Variants in CHERP observed in about 807,000 individuals in gnomAD.
CHERP encodes calcium homeostasis endoplasmic reticulum protein, also known as ERPROT 213-21.
A neutral mutation model predicts 113.8 loss-of-function variants in CHERP; 8 were observed. That is an observed-to-expected ratio of 0.07 (90% CI 0.04 to 0.13). The LOEUF is 0.13. Among genes scored for constraint, CHERP ranks in the 10% least tolerant of loss-of-function variants. CHERP has a pLI of 1.00. For synonymous variants in CHERP, 559 were observed against 524.5 expected (o/e 1.07, Z -0.90); for missense variants, 884 against 1,298.2 (o/e 0.68, Z 4.90).
Position 16,525,244 on chromosome 19 carries a change from G to T in CHERP, c.1739C>A (p.Ala580Asp). The change falls in exon 10 of 17, where the codon GCC becomes GAC. Residue 580 changes from alanine to aspartate, a missense_variant and splice_region_variant. Around this residue, in one of 8 missense-constraint regions of CHERP, gnomAD observed 464 missense variants for 590.1 expected, o/e 0.79. Transcript: ENST00000546361. This position sits in a 1 kb window ranked among gnomAD's most constrained non-coding sequence, Gnocchi z 6.5. ...TACCCAGGCGCCCGTACACTCACCG[G>T]CAGGGAAGTCCCCCTGGGGGTAGTC... ...RFDYPQGDFP[A>D]EMGPPHHHPG... The T allele has an allele frequency of 7.0e-7, 1 of 1,428,004 alleles. No homozygotes were observed. 88.5% of individuals were successfully genotyped at this position (1,428,004 alleles called of 1,614,324 possible). A position where few individuals can be genotyped will look rare whatever the true frequency, so the allele number is the denominator to read the frequency against.
intron 7 of CHERP, 60 bp from the exon 8 acceptor site, chr19:16,529,960 C>T (rs1454312925): frequency 1.3e-6 from 2 of 1,555,688 alleles, no homozygotes; most frequent in Non-Finnish European, 1.7e-6. Flanking sequence ...CTGCCTGGCG[C>T]CAGAGGACAA....
Position 16,533,059 on chromosome 19 carries a change from G to A in CHERP, c.474C>T (p.Asp158=), listed in dbSNP as rs1298721261. ...TGTCGATGATGGGCTGCAGGAGGTT[G>A]TCAAACTCGTTCATGTCTAGCTGGG... The part of the protein sequence containing the change: ...EETQLDMNEF[D]NLLQPIIDTC... The change falls in exon 4 of 17, where the codon GAC becomes GAT. Residue 158 remains aspartate, a synonymous_variant. Transcript: ENST00000546361. 3 of 1,574,240 alleles carry A rather than the reference G, an allele frequency of 1.9e-6. No homozygotes were observed. The highest frequency in any genetic ancestry group is 2.6e-6 in the Non-Finnish European group (3 of 1,159,280).
chr19:16,527,347 G>A (rs552143796), intron 9 of CHERP, among the ~76,000 whole-genome samples: 5 of 152,200 alleles, frequency 3.3e-5, no homozygotes, highest in Non-Finnish European at 5.9e-5. Context: ...GTTCAATTTC[G>A]TGTCCTGAAG....
intron 8 of CHERP, 43 bp downstream of exon 8, chr19:16,529,605 G>A: frequency 6.5e-7 from 1 of 1,526,842 alleles, no homozygotes; most frequent in Non-Finnish European, 8.8e-7. Context: ...CAGCCTCTGG[G>A]GGCTGTTTCC....
At position 16,519,174 on chromosome 19, in the gene CHERP, C is replaced by T. The variant is rs754297067; in HGVS notation, c.2736G>A (p.Arg912=). The T allele has an allele frequency of 1.2e-6, 2 of 1,613,566 alleles. No individual in the cohort carries two copies. Among genetic ancestry groups the T allele is most frequent in the Non-Finnish European group, 1.7e-6 (2 of 1,179,914 alleles). The change falls in exon 17 of 17, where the codon AGG becomes AGA. Residue 912 remains arginine, a synonymous_variant. Transcript: ENST00000546361. The surrounding 1 kb of genome is among the most constrained non-coding windows in gnomAD (Gnocchi z 6.0). ...SYSFIARMKA[R]DECK is the part of the protein sequence containing the mutation. ...GCATGGGCGCCTACTTACACTCGTC[C>T]CTGGCCTTCATGCGGGCGATGAAGG...
chr19:16,525,402 C>T lies in CHERP; in HGVS notation c.1581G>A (p.Pro527=), dbSNP rs767261577. Residue 527 remains proline (P), a synonymous_variant, in exon 10 of 17, where the codon CCG becomes CCA. Transcript: ENST00000546361. This position sits in a 1 kb window ranked among gnomAD's most constrained non-coding sequence, Gnocchi z 6.5. ...QRPPHFRGPF[P]PHQQHPQFNQ... is the part of the protein sequence containing the mutation. ...TGAACTGCGGGTGCTGCTGGTGGGG[C>T]GGGAAGGGCCCCCGGAAGTGTGGGG... 4.0e-6 allele frequency: 6 copies of T among 1,504,758 alleles called. No individual in the cohort carries two copies. The highest frequency in any genetic ancestry group is 2.4e-5 in the East Asian group (1 of 41,048). 93.2% of individuals were successfully genotyped at this position (1,504,758 alleles called of 1,614,324 possible).
At chr19:16,537,395 A>C (rs1239956685) in intron 2 of CHERP, among the ~76,000 whole-genome samples, 1 of 151,656 alleles carries the variant, frequency 6.6e-6, no homozygotes, top group Admixed American at 6.6e-5. Flanking sequence ...AACATGAGCT[A>C]CTCATTCCTG....
chr19:16,542,236 G>T (rs1432946850), intron 1 of CHERP, 118 bp downstream of exon 1: 1 of 1,121,176 alleles, frequency 8.9e-7, no homozygotes, highest in Non-Finnish European at 1.2e-6. Flanking sequence ...GAGGCCGCAG[G>T]CGAAGCCGCG....
intron 5 of CHERP, among the ~76,000 whole-genome samples, chr19:16,531,728 GC>G (rs568231677): frequency 6.6e-6 from 1 of 152,342 alleles, no homozygotes; most frequent in East Asian, 1.9e-4. Flanking sequence ...GAGCAGAAGG[GC>G]AGAGCTGGTG....
intron 10 of CHERP, among the ~76,000 whole-genome samples, chr19:16,524,022 C>A (rs972179188): frequency 1.3e-5 from 2 of 152,070 alleles, no homozygotes; most frequent in Non-Finnish European, 2.9e-5. Flanking sequence ...GAGGCCAAGG[C>A]GGGTAGATCA....
chr19:16,520,854 G>A lies in CHERP; in HGVS notation c.2173C>T (p.Arg725Trp), dbSNP rs751076830. The A allele has an allele frequency of 7.4e-6, 12 of 1,613,716 alleles. No homozygotes were observed. The highest frequency in any genetic ancestry group is 2.2e-5 in the East Asian group (1 of 44,878). ...EFFRAKMRAR[R>W]RKGQEKRNSG... is the part of the protein sequence containing the mutation. Reference sequence around the variant, plus strand: ...TTCCTCTTCTCCTGGCCTTTCCTCCGCCGGGCCCGCATTTTTGCTCGGAAG... The same window carrying A: ...TTCCTCTTCTCCTGGCCTTTCCTCCACCGGGCCCGCATTTTTGCTCGGAAG... Residue 725 changes from arginine to tryptophan, a missense_variant, in exon 13 of 17, where the codon CGG becomes TGG. This residue lies in a region of CHERP where 159 missense variants were observed against 185.8 expected (regional missense o/e 0.86). Transcript: ENST00000546361. The surrounding 1 kb of genome is among the most constrained non-coding windows in gnomAD (Gnocchi z 4.0).
rs1436016480 is a variant in CHERP, at chr19:16,519,301, G to A, written c.2609C>T (p.Pro870Leu). ...ATCCCGGACGTCCCCGCCCTTGATG[G>A]GGTCCTGGATCCCTTGCTCCTTCGC... ...LGAKEQGIQD[P>L]IKGGDVRDKW... Residue 870 changes from proline (P) to leucine (L), a missense_variant, in exon 17 of 17, where the codon CCC (proline) becomes CTC (leucine). By Grantham distance (98) the Pro-to-Leu change is moderately conservative. This residue lies in a region of CHERP where 42 missense variants were observed against 105.1 expected (regional missense o/e 0.40). Coordinates refer to ENST00000546361, the MANE Select transcript of CHERP (RefSeq NM_006387.6). The surrounding 1 kb of genome is among the most constrained non-coding windows in gnomAD (Gnocchi z 6.0). The A allele has an allele frequency of 6.2e-7, 1 of 1,613,790 alleles. No individual in the cohort carries two copies. Among genetic ancestry groups the A allele is most frequent in the Non-Finnish European group, 8.5e-7 (1 of 1,180,024 alleles).
In CHERP at chr19:16,535,551, G is replaced by A; in HGVS notation, c.285C>T (p.Pro95=). Residue 95 remains proline, a synonymous_variant, in exon 3 of 17, where the codon CCC becomes CCT. Transcript: ENST00000546361. This position sits in a 1 kb window ranked among gnomAD's most constrained non-coding sequence, Gnocchi z 4.3. ...LPQPPLAPAA[P]IPPAQGAPSM... ...ATGGCGCGCCCTGGGCCGGCGGGATGGGCGCGGCGGGGGCCAGCGGGGGCT... is the reference window on the plus strand; with the variant it reads ...ATGGCGCGCCCTGGGCCGGCGGGATAGGCGCGGCGGGGGCCAGCGGGGGCT... 6.3e-7 allele frequency: 1 copy of A among 1,583,980 alleles called. No individual in the cohort carries two copies. The highest frequency in any genetic ancestry group is 1.1e-5 in the South Asian group (1 of 87,798).
chr19:16,524,200 C>T (rs2085640824), intron 10 of CHERP, among the ~76,000 whole-genome samples: 1 of 151,976 alleles, frequency 6.6e-6, no homozygotes, highest in East Asian at 1.9e-4. Context: ...TGAGCCGAGA[C>T]TGTGCCACTG....
At position 16,523,331 on chromosome 19, in the gene CHERP, G is replaced by C; in HGVS notation, c.1742-41C>G. 1.9e-6 allele frequency: 3 copies of C among 1,595,874 alleles called. No homozygotes were observed. The highest frequency in any genetic ancestry group is 2.6e-6 in the Non-Finnish European group (3 of 1,173,276). On this transcript the variant is annotated intron_variant, in intron 10 of 16. Transcript: ENST00000546361. The surrounding 1 kb of genome is among the most constrained non-coding windows in gnomAD (Gnocchi z 4.0). ...TTGCCTCAGGACCACAGGCCAGTCA[G>C]GATCTCCCAGGCGACAAGTGCTGGA... is the stretch of plus-strand genomic sequence containing the variant.
In CHERP at chr19:16,520,032, C is replaced by T. The variant is rs992212583; in HGVS notation, c.2462+117G>A. 24 of 1,088,860 alleles carry T rather than the reference C, an allele frequency of 2.2e-5. No homozygotes were observed. Among genetic ancestry groups the T allele is most frequent in the African/African-American group, 2.2e-4 (14 of 64,154 alleles). The allele number at this position is 1,088,860 out of a possible 1,614,324, so 67.4% of individuals were successfully genotyped here. On this transcript the variant is annotated intron_variant, in intron 15 of 16. Coordinates refer to ENST00000546361, the MANE Select transcript of CHERP (RefSeq NM_006387.6). This position sits in a 1 kb window ranked among gnomAD's most constrained non-coding sequence, Gnocchi z 4.0. ...GAAGGGTGAGGGGTGCCACTGTCCC[C>T]GGGCTAATGCTGGCGGCCTCCTAAC...
chr19:16,538,202 C>T (rs1446359837), intron 2 of CHERP, among the ~76,000 whole-genome samples: 1 of 152,174 alleles, frequency 6.6e-6, no homozygotes, highest in Non-Finnish European at 1.5e-5. Flanking sequence ...GCCAGGCTCC[C>T]AATTCTGCAC....
chr19:16,538,788 C>G (rs555199790), intron 2 of CHERP, among the ~76,000 whole-genome samples: 70 of 151,998 alleles, frequency 4.6e-4, no homozygotes, highest in African/African-American at 1.5e-3. Flanking sequence ...GCCACCCCCC[C>G]GCCCCAGAAA....
intron 2 of CHERP, 53 bp downstream of exon 2, chr19:16,541,817 A>G: frequency 6.4e-7 from 1 of 1,568,156 alleles, no homozygotes; most frequent in Non-Finnish European, 8.7e-7. Context: ...CCGGACTGGA[A>G]TCCGAGAAAG....
Sources: gnomAD v4.1 joint callset for allele counts (sites outside exome capture counted in the v4.1 genomes callset) on GRCh38, gnomAD v4.1.1 for gene constraint, gnomAD v4.1.1 regional missense constraint, Gnocchi (gnomAD v3.1) non-coding constraint, MANE v1.5 for transcripts, NCBI Gene and HGNC (gene_info 2026-07-23, HGNC 2026-07-21) for gene names.